IL23R: variants seen among roughly 807,000 people sequenced by gnomAD.
IL23R encodes interleukin 23 receptor, also known as interleukin-23 receptor.
In IL23R, 34 loss-of-function variants were observed where a neutral mutation model predicts 56.9. That is an observed-to-expected ratio of 0.60 (90% CI 0.45 to 0.80). The LOEUF (loss-of-function observed/expected upper bound fraction) is 0.80, where lower values mean the gene tolerates loss of function less well. Ranked by LOEUF, IL23R falls within the 30% of genes least tolerant of loss-of-function variation. The pLI is 0.00. For missense variants in IL23R, 635 were observed against 730.0 expected (o/e 0.87, Z 1.50); for synonymous variants, 230 against 249.2 (o/e 0.92, Z 0.73).
At chr1:67,149,006 A>T (rs1217637864) in intron 1 of IL23R, among the ~76,000 whole-genome samples, 3 of 152,174 alleles carry the variant, frequency 2.0e-5, no homozygotes, top group African/African-American at 7.2e-5. Context: ...AAAATGAATG[A>T]TAGTGGTGTT....
rs115070693 is a variant in IL23R, at chr1:67,229,805, C to T, written c.956-6908C>T. Among the ~76,000 whole-genome samples the T allele has an allele frequency of 7.3e-3, 1,112 of 152,292 alleles. 15 individuals carry two copies. The highest frequency in any genetic ancestry group is 0.025 in the African/African-American group (1,041 of 41,560). On this transcript the variant is annotated intron_variant, in intron 7 of 10. Coordinates refer to ENST00000347310, the MANE Select transcript of IL23R (RefSeq NM_144701.3). ...TTCACAGATTCCAGGGATTAGGACA[C>T]GGACATCTTTATGATGCCATTATTT...
exon 1 of IL23R, chr1:67,139,054 C>G (rs1646609923): frequency 6.6e-6 from 1 of 152,288 alleles, no homozygotes; most frequent in Admixed American, 6.6e-5. Flanking sequence ...TGGAGTCAAT[C>G]CAGGGGAAGA....
chr1:67,252,471 C>T (rs902939256), intron 9 of IL23R, among the ~76,000 whole-genome samples: 1 of 152,120 alleles, frequency 6.6e-6, no homozygotes, highest in Admixed American at 6.6e-5. Context: ...CAGTTTGGAA[C>T]AGGAATTTGC....
chr1:67,171,084 G>A (rs931944427), intron 3 of IL23R, among the ~76,000 whole-genome samples: 2 of 152,144 alleles, frequency 1.3e-5, no homozygotes, highest in Non-Finnish European at 2.9e-5. Flanking sequence ...TTCTTAGCTT[G>A]TCCACATCCT....
At chr1:67,172,715 A>T (rs2102561419) in intron 3 of IL23R, among the ~76,000 whole-genome samples, 1 of 152,326 alleles carries the variant, frequency 6.6e-6, no homozygotes, top group South Asian at 2.1e-4. Flanking sequence ...CACATTTGTT[A>T]TTCAATAAAA....
chr1:67,233,929 CTGTGTGTGTGTGTGTGTGTG>C (rs57455484), intron 7 of IL23R, among the ~76,000 whole-genome samples: 2 of 138,690 alleles, frequency 1.4e-5, no homozygotes, highest in East Asian at 2.3e-4. Context: ...GTCATAAAGG[CTGTGTGTGTGTGTGTGTGTG>C]TGTGTGTGTG....
intron 9 of IL23R, among the ~76,000 whole-genome samples, chr1:67,243,382 C>A (rs1262689842): frequency 1.3e-5 from 2 of 151,952 alleles, no homozygotes; most frequent in African/African-American, 2.4e-5. Context: ...CATAGGTATA[C>A]ATGTGCCATG....
At chr1:67,148,156 C>G (rs1370490610) in intron 1 of IL23R, among the ~76,000 whole-genome samples, 1 of 152,250 alleles carries the variant, frequency 6.6e-6, no homozygotes, top group Non-Finnish European at 1.5e-5. Context: ...ATGGGCGCCT[C>G]GCTGGGTCAG....
intron 9 of IL23R, among the ~76,000 whole-genome samples, chr1:67,244,374 G>T (rs935469387): frequency 9.9e-5 from 15 of 152,124 alleles, no homozygotes; most frequent in Non-Finnish European, 2.9e-5. Flanking sequence ...TTTTCATCAT[G>T]AACTCTTTGC....
At chr1:67,156,682 A>G (rs59613471) in intron 1 of IL23R, among the ~76,000 whole-genome samples, 2,917 of 152,262 alleles carry the variant, frequency 0.019, 84 homozygotes, top group African/African-American at 0.066. Flanking sequence ...ATCATCCCAA[A>G]GCAGACTCCA....
intron 7 of IL23R, among the ~76,000 whole-genome samples, chr1:67,228,092 TTCTTTCTTTCTTTCTCTC>T (rs201747445): frequency 0.033 from 2,541 of 77,878 alleles, 414 homozygotes; most frequent in African/African-American, 0.057. Context: ...TTTTCTTTCT[TTCTTTCTTTCTTTCTCTC>T]TCTTTCTTTC....
At chr1:67,176,638 AT>A (rs1191854281) in intron 3 of IL23R, among the ~76,000 whole-genome samples, 2 of 152,016 alleles carry the variant, frequency 1.3e-5, no homozygotes, top group Admixed American at 1.3e-4. Flanking sequence ...TATCTATTTA[AT>A]TTTTTTAAAT....
intron 4 of IL23R, among the ~76,000 whole-genome samples, chr1:67,193,853 A>G (rs1647923694): frequency 6.6e-6 from 1 of 152,154 alleles, no homozygotes; most frequent in South Asian, 2.1e-4. Context: ...ATCAGATCCC[A>G]CAGCTAAAGG....
At chr1:67,142,171 T>C (rs1049736958) in intron 1 of IL23R, among the ~76,000 whole-genome samples, 1 of 152,212 alleles carries the variant, frequency 6.6e-6, no homozygotes, top group African/African-American at 2.4e-5. Flanking sequence ...TGGTTTTTCT[T>C]ACATACAACT....
intron 3 of IL23R, among the ~76,000 whole-genome samples, chr1:67,175,394 T>A (rs1485324381): frequency 7.9e-5 from 12 of 152,178 alleles, no homozygotes. Context: ...TGCAGTTCAG[T>A]GGCACTAAGT....
intron 9 of IL23R, among the ~76,000 whole-genome samples, chr1:67,246,066 C>T (rs537128675): frequency 2.6e-5 from 4 of 152,278 alleles, no homozygotes; most frequent in Non-Finnish European, 2.9e-5. Context: ...GGAATTTATC[C>T]ATTTCTTCTA....
chr1:67,166,120 A>G (rs1266852599), upstream of IL23R, among the ~76,000 whole-genome samples: 2 of 152,252 alleles, frequency 1.3e-5, no homozygotes. Context: ...GGAAAACTAA[A>G]AAAAGAAACA....
chr1:67,172,496 A>T (rs1421125768), intron 3 of IL23R, among the ~76,000 whole-genome samples: 1 of 152,190 alleles, frequency 6.6e-6, no homozygotes, highest in Non-Finnish European at 1.5e-5. Context: ...TTAGATTCTT[A>T]TCTAAGACTA....
At chr1:67,251,187 T>C (rs1486762118) in intron 9 of IL23R, among the ~76,000 whole-genome samples, 1 of 152,190 alleles carries the variant, frequency 6.6e-6, no homozygotes, top group Non-Finnish European at 1.5e-5. Context: ...GCGCAGTGGC[T>C]CATGCCTGTA....
Sources: allele counts gnomAD v4.1 joint callset (sites outside exome capture counted in the v4.1 genomes callset), GRCh38; gene constraint gnomAD v4.1.1; transcripts MANE v1.5; gene names NCBI Gene and HGNC (gene_info 2026-07-23, HGNC 2026-07-21).